The following SOS2 variants were observed in gnomAD, a reference collection of about 807,000 sequenced individuals.
SOS2 encodes the protein SOS Ras/Rho guanine nucleotide exchange factor 2, also known as son of sevenless homolog 2.
Under a neutral mutation model 148.2 loss-of-function variants are expected in SOS2, and 65 were observed. The observed-to-expected ratio is 0.44, with a 90% CI of 0.36 to 0.54. The LOEUF is 0.54. SOS2 is among the 20% of genes least tolerant of loss of function. The pLI, the probability that SOS2 is intolerant of heterozygous loss-of-function variation, is 0.00. For missense variants in SOS2, 1,341 were observed against 1,590.2 expected (o/e 0.84, Z 2.67); for synonymous variants, 539 against 537.1 (o/e 1.00, Z -0.05).
chr14:50,142,774 A>G (rs1884339426), intron 16 of SOS2, among the ~76,000 whole-genome samples: 1 of 152,228 alleles, frequency 6.6e-6, no homozygotes, highest in African/African-American at 2.4e-5. Flanking sequence ...TGCAGTAACT[A>G]TATCTTTGTA....
intron 14 of SOS2, among the ~76,000 whole-genome samples, chr14:50,145,903 G>C (rs1884450836): frequency 6.6e-6 from 1 of 152,180 alleles, no homozygotes; most frequent in Non-Finnish European, 1.5e-5. Flanking sequence ...GGGAGGCCGA[G>C]GCAGATGGAT....
At chr14:50,119,236 T>C (rs1883416169) in intron 22 of SOS2, among the ~76,000 whole-genome samples, 1 of 152,214 alleles carries the variant, frequency 6.6e-6, no homozygotes, top group Non-Finnish European at 1.5e-5. Context: ...CTTTCTCCAG[T>C]GAGGCTTAGA....
rs7146333 is a variant in SOS2 at position 50,180,748 on chromosome 14, G to C, written c.859-66C>G. The C allele has an allele frequency of 1.3e-3, 1,163 of 873,360 alleles. 12 individuals carry two copies. The African/African-American group carries it at 0.016, about 12-fold the overall frequency. The allele number at this position is 873,360 out of a possible 1,614,324, so 54.1% of individuals were successfully genotyped here. ...ATATATTTTCTACCAATATGGTACA[G>C]ATTATTATCACTTGATCCCAGGAGT... On this transcript the variant is annotated intron_variant, in intron 6 of 22. Transcript: ENST00000216373.
At chr14:50,179,052 G>A (rs1885638133) in intron 7 of SOS2, among the ~76,000 whole-genome samples, 1 of 151,730 alleles carries the variant, frequency 6.6e-6, no homozygotes, top group South Asian at 2.1e-4. Flanking sequence ...CAGGTATACA[G>A]GAACCAAGAG....
At chr14:50,172,704 T>C (rs1480670544) in intron 8 of SOS2, among the ~76,000 whole-genome samples, 1 of 152,096 alleles carries the variant, frequency 6.6e-6, no homozygotes, top group Non-Finnish European at 1.5e-5. Context: ...AAATTACTAC[T>C]ACCTAGTAAT....
rs1239308268 is a variant in SOS2 at position 50,205,676 on chromosome 14, A to C, written c.88-1267T>G. ...CATAGGCACGGTGGCTAACACCTGT[A>C]ATCCCAGCACTTTGGGAGGCCGAGG... On this transcript the variant is annotated intron_variant, in intron 1 of 22. Coordinates refer to ENST00000216373, the MANE Select transcript of SOS2 (RefSeq NM_006939.4). Among the ~76,000 whole-genome samples, 3 of 152,298 alleles carry C rather than the reference A, an allele frequency of 2.0e-5. No individual in the cohort carries two copies. In the East Asian group the frequency reaches 5.8e-4, roughly 29 times the overall value.
At chr14:50,192,143 CAAAAAAAAAAAAAAAA>C (rs201836422) in intron 4 of SOS2, among the ~76,000 whole-genome samples, 27 of 118,928 alleles carry the variant, frequency 2.3e-4, no homozygotes, top group Middle Eastern at 4.2e-3. Flanking sequence ...GTCCTTGTCA[CAAAAAAAAAAAAAAAA>C]AAAAAAAAAA....
At chr14:50,201,532 G>GAAAAAAA (rs11342999) in intron 2 of SOS2, among the ~76,000 whole-genome samples, 6 of 90,554 alleles carry the variant, frequency 6.6e-5, no homozygotes, top group Admixed American at 1.3e-4. Context: ...ACCCCCAACA[G>GAAAAAAA]AAAAAAAAAA....
At chr14:50,230,047 T>C (rs2139888176) in intron 1 of SOS2, among the ~76,000 whole-genome samples, 1 of 152,350 alleles carries the variant, frequency 6.6e-6, no homozygotes, top group Middle Eastern at 3.4e-3. Context: ...CCAGGTTCTT[T>C]AAAAAGATAC....
intron 16 of SOS2, among the ~76,000 whole-genome samples, chr14:50,144,506 C>T (rs1007845362): frequency 2.6e-5 from 4 of 152,038 alleles, no homozygotes; most frequent in Non-Finnish European, 5.9e-5. Context: ...GGTGTGATCT[C>T]AGCTCACTGC....
At chr14:50,120,978 T>C (rs187815256) in intron 21 of SOS2, among the ~76,000 whole-genome samples, 6 of 152,166 alleles carry the variant, frequency 3.9e-5, no homozygotes, top group Admixed American at 3.9e-4. Context: ...GACCTTGTGA[T>C]CCGCCCACCT....
At chr14:50,121,398 G>T (rs571261837) in intron 21 of SOS2, among the ~76,000 whole-genome samples, 60 of 152,274 alleles carry the variant, frequency 3.9e-4, no homozygotes, top group African/African-American at 1.4e-3. Flanking sequence ...AACTGGGAAA[G>T]AAGTTGATAA....
chr14:50,230,783 A>C (rs1257513983), intron 1 of SOS2: 1 of 509,136 alleles, frequency 2.0e-6, no homozygotes, highest in Non-Finnish European at 2.5e-6. Context: ...TACCCTTGAC[A>C]AGCAAACCGC....
intron 13 of SOS2, among the ~76,000 whole-genome samples, chr14:50,151,704 T>C (rs1310637928): frequency 6.6e-6 from 1 of 152,216 alleles, no homozygotes; most frequent in Non-Finnish European, 1.5e-5. Context: ...TAATCCAGTA[T>C]TCTCATTTAG....
intron 12 of SOS2, among the ~76,000 whole-genome samples, chr14:50,155,650 CCAGTA>C (rs935122668): frequency 1.3e-5 from 2 of 152,050 alleles, no homozygotes; most frequent in Non-Finnish European, 2.9e-5. Context: ...TCTTTTTCCC[CCAGTA>C]AAGTCCCCAA....
At chr14:50,187,796 T>A (rs1042381264) in intron 5 of SOS2, among the ~76,000 whole-genome samples, 6 of 152,234 alleles carry the variant, frequency 3.9e-5, no homozygotes, top group African/African-American at 1.4e-4. Flanking sequence ...GTTAAAACTT[T>A]ATTTTTTTTA....
intron 4 of SOS2, among the ~76,000 whole-genome samples, chr14:50,192,305 C>G (rs1011411675): frequency 3.3e-5 from 5 of 152,204 alleles, no homozygotes; most frequent in African/African-American, 1.2e-4. Flanking sequence ...CCTATAATCC[C>G]AGAACTTTAG....
At chr14:50,211,487 A>C (rs755288093) in intron 1 of SOS2, among the ~76,000 whole-genome samples, 3 of 151,912 alleles carry the variant, frequency 2.0e-5, no homozygotes, top group Non-Finnish European at 4.4e-5. Context: ...TGTTGTTAAC[A>C]TCTTTATGTC....
chr14:50,209,154 C>T (rs1376061042), intron 1 of SOS2, among the ~76,000 whole-genome samples: 2 of 152,182 alleles, frequency 1.3e-5, no homozygotes, highest in African/African-American at 2.4e-5. Context: ...TCTTCTGGTT[C>T]TCAGGCCTTC....
Sources: gnomAD v4.1 joint callset for allele counts (sites outside exome capture counted in the v4.1 genomes callset) on GRCh38, gnomAD v4.1.1 for gene constraint, MANE v1.5 for transcripts, NCBI Gene and HGNC (gene_info 2026-07-23, HGNC 2026-07-21) for gene names.